Variants in CKAP5 observed in about 807,000 individuals in gnomAD.
CKAP5 encodes the protein cytoskeleton associated protein 5, also known as cytoskeleton-associated protein 5.
A neutral mutation model predicts 232.8 loss-of-function variants in CKAP5; 27 were observed. That is an observed-to-expected ratio of 0.12 (90% CI 0.09 to 0.16). The LOEUF (loss-of-function observed/expected upper bound fraction) is 0.16, where lower values mean the gene tolerates loss of function less well. CKAP5 is among the 10% of genes least tolerant of loss of function. CKAP5 has a pLI of 1.00. For missense variants in CKAP5, 1,838 were observed against 2,424.7 expected (o/e 0.76, Z 5.08); for synonymous variants, 785 against 841.1 (o/e 0.93, Z 1.16).
Position 46,743,944 on chromosome 11 carries a change from C to CT in CKAP5, c.*78dup, listed in dbSNP as rs1385283166. The stretch of plus-strand genomic sequence containing the variant: ...TACAACCAGTTTGTATACACTAGGC[C>CT]TGCTGAGGCCATTTTAAACTATGAG... On this transcript the variant is annotated 3_prime_UTR_variant, in exon 44 of 44. Coordinates refer to ENST00000529230, the MANE Select transcript of CKAP5 (RefSeq NM_001008938.4). 1 of 1,582,388 alleles carries CT rather than the reference C, an allele frequency of 6.3e-7. No homozygotes were observed. Among genetic ancestry groups the CT allele is most frequent in the African/African-American group, 1.3e-5 (1 of 74,138 alleles).
rs1374285118 is a variant in CKAP5, at chr11:46,763,058, A to G, written c.3809T>C (p.Leu1270Ser). The G allele has an allele frequency of 1.2e-6, 2 of 1,613,446 alleles. No individual in the cohort carries two copies. Among genetic ancestry groups the G allele is most frequent in the South Asian group, 2.2e-5 (2 of 91,076 alleles). ...TTCTTCACTTAGCAAGGTGAAGAGC[A>G]ATTTTAAATATTCTAGTGCTTTCAT... The part of the protein sequence containing the change: ...VLMKALEYLK[L>S]LFTLLSEEEY... The change falls in exon 30 of 44, where the codon TTG (leucine) becomes TCG (serine). Residue 1270 changes from leucine (L) to serine (S), a missense_variant. Leu to Ser is a moderately radical substitution (Grantham distance 145, BLOSUM62 -2). This residue lies in a region of CKAP5 where 48 missense variants were observed against 98.1 expected (regional missense o/e 0.49). Coordinates refer to ENST00000529230, the MANE Select transcript of CKAP5 (RefSeq NM_001008938.4).
Position 46,840,512 on chromosome 11 carries a change from C to G in CKAP5, c.-38+5708G>C, listed in dbSNP as rs548725957. Among the ~76,000 whole-genome samples the G allele has an allele frequency of 2.7e-3, 414 of 152,314 alleles. 3 individuals carry two copies. Among genetic ancestry groups the G allele is most frequent in the African/African-American group, 9.8e-3 (406 of 41,564 alleles). ...AATTTTTAACACTTATCCTAAGGCA[C>G]TGTTAAAGTTGTTTATTATTTTTAA... On this transcript the variant is annotated intron_variant, in intron 1 of 43. Coordinates refer to ENST00000529230, the MANE Select transcript of CKAP5 (RefSeq NM_001008938.4).
chr11:46,796,959 C>CA lies in CKAP5; in HGVS notation c.1339-20dup. 6.2e-7 allele frequency: 1 copy of CA among 1,612,126 alleles called. No homozygotes were observed. Among genetic ancestry groups the CA allele is most frequent in the Non-Finnish European group, 8.5e-7 (1 of 1,179,034 alleles). ...TGATGTGCTATAGTCCAGAAGTAAG[C>CA]AAAATGATATTAATGCAAGGTATTT... On this transcript the variant is annotated intron_variant, in intron 11 of 43. Coordinates refer to ENST00000529230, the MANE Select transcript of CKAP5 (RefSeq NM_001008938.4).
At chr11:46,825,660 G>A (rs904282822) in intron 1 of CKAP5, among the ~76,000 whole-genome samples, 1 of 151,584 alleles carries the variant, frequency 6.6e-6, no homozygotes, top group Non-Finnish European at 1.5e-5. Flanking sequence ...TATTGCAGAA[G>A]CACAGAATGA....
chr11:46,749,948 G>C (rs1356477586), intron 42 of CKAP5, among the ~76,000 whole-genome samples: 2 of 151,446 alleles, frequency 1.3e-5, no homozygotes, highest in Non-Finnish European at 2.9e-5. Context: ...AAAAAAAGAG[G>C]TCAGAGCAAG....
At chr11:46,768,312 T>C (rs2065221071) in intron 26 of CKAP5, among the ~76,000 whole-genome samples, 1 of 151,710 alleles carries the variant, frequency 6.6e-6, no homozygotes, top group Non-Finnish European at 1.5e-5. Flanking sequence ...TACCTCAGCC[T>C]CCTGAATAGC....
chr11:46,815,846 A>G (rs1939385559), intron 4 of CKAP5, among the ~76,000 whole-genome samples: 2 of 152,172 alleles, frequency 1.3e-5, no homozygotes, highest in Non-Finnish European at 2.9e-5. Flanking sequence ...ACTCTAGTTC[A>G]GGGATCCCTA....
At chr11:46,815,735 C>T (rs1248190669) in intron 4 of CKAP5, among the ~76,000 whole-genome samples, 1 of 152,216 alleles carries the variant, frequency 6.6e-6, no homozygotes, top group East Asian at 1.9e-4. Context: ...TGGGGAATGA[C>T]TTTCCTTATT....
At chr11:46,767,487 TATA>T (rs1329417787) in intron 27 of CKAP5, 85 bp downstream of exon 27, 6 of 787,298 alleles carry the variant, frequency 7.6e-6, no homozygotes, top group Non-Finnish European at 1.2e-5. Context: ...TTCTTTTATA[TATA>T]ATATGATCCT....
chr11:46,821,379 C>T, intron 1 of CKAP5, 111 bp from the exon 2 acceptor site: 2 of 558,104 alleles, frequency 3.6e-6, no homozygotes, highest in Non-Finnish European at 6.3e-6. Flanking sequence ...GAGTAAAAAT[C>T]CCGTTCTTTC....
intron 8 of CKAP5, among the ~76,000 whole-genome samples, chr11:46,807,599 G>A (rs1939186335): frequency 6.6e-6 from 1 of 152,102 alleles, no homozygotes; most frequent in Non-Finnish European, 1.5e-5. Flanking sequence ...CTCTTACTTA[G>A]TACTTGTCTG....
rs2065358584 is a variant in CKAP5 at position 46,783,283 on chromosome 11, C to A, written c.2240G>T (p.Gly747Val). ...NWLSNAIKEF[G>V]FSGLNVKAFI... is the part of the protein sequence containing the mutation. ...TTTCGTTCTGACTTACCCAGAAAAA[C>A]CAAATTCTTTTATGGCATTTGATAG... Residue 747 changes from glycine to valine, a missense_variant, in exon 18 of 44, where the codon GGT becomes GTT. Transcript: ENST00000529230. The A allele has an allele frequency of 4.4e-6, 7 of 1,604,560 alleles. No individual in the cohort carries two copies. The highest frequency in any genetic ancestry group is 6.0e-6 in the Non-Finnish European group (7 of 1,173,100).
rs2065358142 is a variant in CKAP5 at position 46,783,232 on chromosome 11, A to G, written c.2249+42T>C. On this transcript the variant is annotated intron_variant, in intron 18 of 43. Coordinates refer to ENST00000529230, the MANE Select transcript of CKAP5 (RefSeq NM_001008938.4). The stretch of plus-strand genomic sequence containing the variant: ...TAAACAGCACGACTTAGAGACTGAC[A>G]GAACATTTAACTATTTTCCACTTGA... 3.5e-6 allele frequency: 4 copies of G among 1,136,508 alleles called. No homozygotes were observed. In the South Asian group the frequency reaches 5.1e-5, roughly 14 times the overall value. The allele number at this position is 1,136,508 out of a possible 1,614,324, so 70.4% of individuals were successfully genotyped here. A position where few individuals can be genotyped will look rare whatever the true frequency, so the allele number is the denominator to read the frequency against.
At chr11:46,795,857 A>G in intron 12 of CKAP5, 81 bp from the exon 13 acceptor site, 1 of 1,202,184 alleles carries the variant, frequency 8.3e-7, no homozygotes, top group Non-Finnish European at 1.2e-6. Flanking sequence ...CTAAACCACA[A>G]CTACACATAA....
chr11:46,800,628 T>C (rs778783883), intron 9 of CKAP5, among the ~76,000 whole-genome samples: 2 of 152,018 alleles, frequency 1.3e-5, no homozygotes, highest in Non-Finnish European at 1.5e-5. Context: ...CTTATACAAA[T>C]AGTAAGTCAA....
chr11:46,843,281 G>A (rs1468476100), intron 1 of CKAP5, among the ~76,000 whole-genome samples: 1 of 152,122 alleles, frequency 6.6e-6, no homozygotes, highest in Non-Finnish European at 1.5e-5. Context: ...GGGTCTCTTG[G>A]CTCAACCACC....
chr11:46,845,951 C>G (rs975433310), intron 1 of CKAP5, among the ~76,000 whole-genome samples: 2 of 151,592 alleles, frequency 1.3e-5, no homozygotes, highest in African/African-American at 4.8e-5. Context: ...CCCGCGGACG[C>G]TGCCACCCGC....
chr11:46,764,013 T>C (rs1202398411), intron 28 of CKAP5, among the ~76,000 whole-genome samples: 2 of 152,130 alleles, frequency 1.3e-5, no homozygotes, highest in Admixed American at 6.6e-5. Flanking sequence ...TTAAAAAATT[T>C]TTTTCGTAGA....
chr11:46,821,404 T>C, intron 1 of CKAP5, 136 bp from the exon 2 acceptor site: 1 of 468,360 alleles, frequency 2.1e-6, no homozygotes, highest in Non-Finnish European at 3.8e-6. Flanking sequence ...GATCCCCACT[T>C]AATTCAATTA....
Sources: gnomAD v4.1 joint callset for allele counts (sites outside exome capture counted in the v4.1 genomes callset) on GRCh38, gnomAD v4.1.1 for gene constraint, gnomAD v4.1.1 regional missense constraint, MANE v1.5 for transcripts, NCBI Gene and HGNC (gene_info 2026-07-23, HGNC 2026-07-21) for gene names.